The following MMS22L variants were observed in gnomAD, a reference collection of about 807,000 sequenced individuals.
MMS22L encodes MMS22 like, DNA repair protein.
A neutral mutation model predicts 159.1 loss-of-function variants in MMS22L; 74 were observed. The observed-to-expected ratio is 0.47, with a 90% CI of 0.39 to 0.56. The LOEUF (loss-of-function observed/expected upper bound fraction) is 0.56, where lower values mean the gene tolerates loss of function less well. Ranked by LOEUF, MMS22L falls within the 20% of genes least tolerant of loss-of-function variation. The pLI, the probability that MMS22L is intolerant of heterozygous loss-of-function variation, is 0.00. For missense variants in MMS22L, 1,351 were observed against 1,422.1 expected (o/e 0.95, Z 0.80); for synonymous variants, 517 against 506.9 (o/e 1.02, Z -0.27).
At chr6:97,280,096 A>C (rs1029821176) in intron 3 of MMS22L, among the ~76,000 whole-genome samples, 2 of 152,198 alleles carry the variant, frequency 1.3e-5, no homozygotes, top group African/African-American at 4.8e-5. Context: ...AGCCTGTTCT[A>C]TCAATAAAAC....
intron 14 of MMS22L, among the ~76,000 whole-genome samples, chr6:97,216,149 A>T (rs764305310): frequency 6.6e-6 from 1 of 152,208 alleles, no homozygotes; most frequent in African/African-American, 2.4e-5. Context: ...CAGTAAATTC[A>T]TATCATTAAA....
intron 19 of MMS22L, among the ~76,000 whole-genome samples, chr6:97,170,700 A>G (rs923063397): frequency 4.2e-5 from 2 of 47,336 alleles, no homozygotes; most frequent in Non-Finnish European, 1.0e-4. Context: ...TTAGAAAGTA[A>G]TTTTGTTCAT....
intron 14 of MMS22L, among the ~76,000 whole-genome samples, chr6:97,194,484 A>G (rs916234791): frequency 6.3e-4 from 96 of 152,250 alleles, no homozygotes; most frequent in African/African-American, 2.2e-3. Flanking sequence ...TTACATTAAT[A>G]AAGGCCAAAC....
In MMS22L at chr6:97,282,440, T is replaced by C. The variant is rs766183027; in HGVS notation, c.38A>G (p.Asp13Gly). 6.2e-7 allele frequency: 1 copy of C among 1,613,896 alleles called. No homozygotes were observed. ...CGTCCCCAGCTCCAGCTCTAAGCTG[T>C]CAGTCAGGAACGTCGATGCAGCAGA... is the stretch of plus-strand genomic sequence containing the variant. ...NCSAASTFLT[D>G]SLELELGTEW... The change falls in exon 2 of 25, where the codon GAC becomes GGC. Residue 13 changes from aspartate to glycine, a missense_variant. By Grantham distance (94) the Asp-to-Gly change is moderately conservative. Transcript: ENST00000683635.
Position 97,186,567 on chromosome 6 carries a change from G to C in MMS22L, c.2163C>G (p.Phe721Leu), listed in dbSNP as rs201121070. 154 of 1,612,600 alleles carry C rather than the reference G, an allele frequency of 9.5e-5. 1 individual carries two copies. Among genetic ancestry groups the C allele is most frequent in the Middle Eastern group, 8.2e-4 (5 of 6,072 alleles). The change falls in exon 15 of 25, where the codon TTC becomes TTG. Residue 721 changes from phenylalanine (F) to leucine (L), a missense_variant. Physicochemically the swap from Phe to Leu is conservative, Grantham distance 22 (BLOSUM62 0). Transcript: ENST00000683635. ...TTCTCTGACTCTTCAAAAATGAAAA[G>C]AAATGTCTCCACAGTGCACTGGCAA... ...AAVASALWRH[F>L]FSFLKSQRMS...
intron 15 of MMS22L, among the ~76,000 whole-genome samples, chr6:97,184,373 AAAG>A (rs1782416736): frequency 2.0e-5 from 3 of 152,092 alleles, no homozygotes; most frequent in Admixed American, 2.0e-4. Context: ...TCATGGTTTT[AAAG>A]AATTATTTAT....
intron 11 of MMS22L, among the ~76,000 whole-genome samples, chr6:97,236,428 T>A (rs1474702337): frequency 6.6e-6 from 1 of 151,812 alleles, no homozygotes; most frequent in Admixed American, 6.6e-5. Flanking sequence ...GAGATTATGA[T>A]CAACAATTTA....
At position 97,225,414 on chromosome 6, in the gene MMS22L, G is replaced by A. The variant is rs376849435; in HGVS notation, c.2039+3480C>T. Among the ~76,000 whole-genome samples the A allele has an allele frequency of 2.7e-3, 411 of 151,254 alleles. 5 individuals carry two copies. The highest frequency in any genetic ancestry group is 9.6e-3 in the African/African-American group (395 of 41,170). The stretch of plus-strand genomic sequence containing the variant: ...TTGAGACGGAGTCGTGCAGTGGCGT[G>A]ATCTCGGCTTACTGCAACCACCACC... On this transcript the variant is annotated intron_variant, in intron 14 of 24. Coordinates refer to ENST00000683635, the MANE Select transcript of MMS22L (RefSeq NM_001350599.2).
At chr6:97,205,110 A>G (rs1454255797) in intron 14 of MMS22L, among the ~76,000 whole-genome samples, 1 of 151,220 alleles carries the variant, frequency 6.6e-6, no homozygotes, top group Non-Finnish European at 1.5e-5. Context: ...TGCCCAGCTA[A>G]TTTTTTGTAC....
At position 97,179,556 on chromosome 6, in the gene MMS22L, T is replaced by A; in HGVS notation, c.2388A>T (p.Thr796=). ...CTGAATGAGAAAGTGCTTCACATAA[T>A]GTGCTGTAGAAACAAATTGACAAAT... ...RYLSHVLQNS[T]LCEALSHSGY... is the part of the protein sequence containing the mutation. The change falls in exon 17 of 25, where the codon ACA becomes ACT. Residue 796 remains threonine, a synonymous_variant. Coordinates refer to ENST00000683635, the MANE Select transcript of MMS22L (RefSeq NM_001350599.2). The A allele has an allele frequency of 1.3e-6, 2 of 1,599,120 alleles. No individual in the cohort carries two copies. Among genetic ancestry groups the A allele is most frequent in the South Asian group, 2.3e-5 (2 of 87,676 alleles).
chr6:97,193,231 C>T (rs1418463989), intron 14 of MMS22L, among the ~76,000 whole-genome samples: 1 of 152,090 alleles, frequency 6.6e-6, no homozygotes, highest in Non-Finnish European at 1.5e-5. Context: ...TTTTCCTATG[C>T]TCCAAAATTG....
In MMS22L at chr6:97,231,601, T is replaced by G. The variant is rs373010587; in HGVS notation, c.1354A>C (p.Met452Leu). Residue 452 changes from methionine (M) to leucine (L), a missense_variant, in exon 13 of 25, where the codon ATG becomes CTG. Transcript: ENST00000683635. Reference sequence around the variant, plus strand: ...TCAAGCATAGACAAGGGTGACTTCATGGTATTAGCAAGGCCTTTAAAAGGA... The same window carrying G: ...TCAAGCATAGACAAGGGTGACTTCAGGGTATTAGCAAGGCCTTTAAAAGGA... ...WLPFKGLANT[M>L]KSPLSMLEMV... The G allele has an allele frequency of 6.2e-7, 1 of 1,613,722 alleles. No homozygotes were observed. The highest frequency in any genetic ancestry group is 8.5e-7 in the Non-Finnish European group (1 of 1,179,852).
At chr6:97,180,826 A>G (rs1804632699) in intron 16 of MMS22L, among the ~76,000 whole-genome samples, 1 of 152,228 alleles carries the variant, frequency 6.6e-6, no homozygotes, top group East Asian at 1.9e-4. Context: ...CTTACAACTG[A>G]AAGCCCAATG....
At chr6:97,174,272 A>T (rs976172236) in intron 18 of MMS22L, among the ~76,000 whole-genome samples, 235 of 151,404 alleles carry the variant, frequency 1.6e-3, no homozygotes, top group Non-Finnish European at 2.5e-3. Context: ...AAAAAAAAAA[A>T]AAAATAAAAA....
intron 11 of MMS22L, among the ~76,000 whole-genome samples, chr6:97,236,318 T>A (rs1216706779): frequency 9.1e-6 from 1 of 109,964 alleles, no homozygotes; most frequent in Admixed American, 9.0e-5. Flanking sequence ...GTGACACTCT[T>A]TCTCCAAAAA....
intron 11 of MMS22L, among the ~76,000 whole-genome samples, chr6:97,245,372 T>C (rs1812513178): frequency 1.3e-5 from 2 of 152,074 alleles, no homozygotes; most frequent in South Asian, 4.1e-4. Flanking sequence ...AGAATAATAA[T>C]GTTATCCAGA....
chr6:97,242,443 T>G (rs1250889469), intron 11 of MMS22L, among the ~76,000 whole-genome samples: 3 of 152,246 alleles, frequency 2.0e-5, no homozygotes, highest in Admixed American at 6.5e-5. Flanking sequence ...TCCATTTGAA[T>G]GGACTATCTT....
chr6:97,273,068 A>G lies in MMS22L; in HGVS notation c.341-6T>C. 6.3e-7 allele frequency: 1 copy of G among 1,595,366 alleles called. No individual in the cohort carries two copies. The highest frequency in any genetic ancestry group is 1.1e-5 in the South Asian group (1 of 87,732). On this transcript the variant is annotated splice_region_variant and splice_polypyrimidine_tract_variant and intron_variant, in intron 4 of 24. Coordinates refer to ENST00000683635, the MANE Select transcript of MMS22L (RefSeq NM_001350599.2). ...GTGTAGAGTTGATACCTTCCCTGAA[A>G]CCAAAATAGACAATGTTAATCATAG...
chr6:97,198,608 C>T (rs1373280830), intron 14 of MMS22L, among the ~76,000 whole-genome samples: 1 of 152,122 alleles, frequency 6.6e-6, no homozygotes, highest in Non-Finnish European at 1.5e-5. Context: ...GGAATTCACA[C>T]TTGGGAAGCT....
Sources: allele counts gnomAD v4.1 joint callset (sites outside exome capture counted in the v4.1 genomes callset), GRCh38; gene constraint gnomAD v4.1.1; transcripts MANE v1.5; gene names NCBI Gene and HGNC (gene_info 2026-07-23, HGNC 2026-07-21).